The following PIEZO2 variants were observed in gnomAD, a reference collection of about 807,000 sequenced individuals.
The protein encoded by PIEZO2 is piezo-type mechanosensitive ion channel component 2.
In PIEZO2, 172 loss-of-function variants were observed where a neutral mutation model predicts 337.3. The ratio of observed to expected loss-of-function variants is 0.51; its 90% CI spans 0.45 to 0.58. The LOEUF (loss-of-function observed/expected upper bound fraction) is 0.58. Among genes scored for constraint, PIEZO2 ranks in the 20% least tolerant of loss-of-function variants. PIEZO2 has a pLI of 0.00. For synonymous variants in PIEZO2, 1,251 were observed against 1,228.5 expected, an observed-to-expected ratio of 1.02 and a Z score of -0.38; for missense variants, 3,028 against 3,391.3, an observed-to-expected ratio of 0.89 and a Z score of 2.66.
At position 10,830,842 on chromosome 18, in the gene PIEZO2, T is replaced by G. The variant is rs145645815; in HGVS notation, c.918-23568A>C. On this transcript the variant is annotated intron_variant, in intron 7 of 55. Coordinates refer to ENST00000674853, the MANE Select transcript of PIEZO2 (RefSeq NM_001378183.1). This position sits in a 1 kb window ranked among gnomAD's most constrained non-coding sequence, Gnocchi z 4.7. ...TCAAACAATTCAATAGGAAAAAAAA[T>G]CTAATAATCTGGTTAAAAATTTGGT... is the stretch of plus-strand genomic sequence containing the variant. Among the ~76,000 whole-genome samples the G allele has an allele frequency of 6.6e-6, 1 of 151,954 alleles. No homozygotes were observed. Among genetic ancestry groups the G allele is most frequent in the Admixed American group, 6.6e-5 (1 of 15,254 alleles).
chr18:10,737,395 C>T (rs981894971), intron 33 of PIEZO2, among the ~76,000 whole-genome samples: 1 of 152,060 alleles, frequency 6.6e-6, no homozygotes, highest in Admixed American at 6.5e-5. Context: ...AACAAAAACA[C>T]CACCAACAAC....
intron 3 of PIEZO2, among the ~76,000 whole-genome samples, chr18:10,914,682 G>A (rs1328988502): frequency 1.3e-5 from 2 of 152,072 alleles, no homozygotes; most frequent in Non-Finnish European, 2.9e-5. Context: ...ATTCATAGAA[G>A]GGATTTTTTC....
chr18:10,729,199 T>C (rs2036665958), intron 36 of PIEZO2, among the ~76,000 whole-genome samples: 1 of 152,168 alleles, frequency 6.6e-6, no homozygotes, highest in Non-Finnish European at 1.5e-5. Flanking sequence ...GTTACTAGGA[T>C]GTATCGGGAG....
intron 2 of PIEZO2, among the ~76,000 whole-genome samples, chr18:11,004,723 A>G (rs2035660838): frequency 6.6e-6 from 1 of 152,234 alleles, no homozygotes; most frequent in African/African-American, 2.4e-5. Flanking sequence ...TTGATAATCT[A>G]TTGTTCAAAG....
chr18:10,963,280 T>C lies in PIEZO2; in HGVS notation c.286+16255A>G, dbSNP rs535447995. ...AGCCAGAGGACATGGTGAGATGTTGTCTCAAAAAAAAAAAAGAAAGAAATA... is the reference window on the plus strand; with the variant it reads ...AGCCAGAGGACATGGTGAGATGTTGCCTCAAAAAAAAAAAAGAAAGAAATA... On this transcript the variant is annotated intron_variant, in intron 3 of 55. Coordinates refer to ENST00000674853, the MANE Select transcript of PIEZO2 (RefSeq NM_001378183.1). Among the ~76,000 whole-genome samples, 9 of 150,888 alleles carry C rather than the reference T, an allele frequency of 6.0e-5. No homozygotes were observed. In the South Asian group the frequency reaches 1.9e-3, roughly 32 times the overall value.
In PIEZO2 at chr18:10,677,559, G is replaced by A; in HGVS notation, c.8081+188C>T. On this transcript the variant is annotated intron_variant, in intron 53 of 55. Transcript: ENST00000674853. The surrounding 1 kb of genome is among the most constrained non-coding windows in gnomAD (Gnocchi z 4.1). ...ACATAGACATAACCCTGGGGACAGT[G>A]GACAGAAAACTCCATAGCTGAGATT... The A allele has an allele frequency of 1.7e-6, 1 of 599,868 alleles. No homozygotes were observed. Among genetic ancestry groups the A allele is most frequent in the East Asian group, 3.6e-5 (1 of 27,908 alleles). The allele number at this position is 599,868 out of a possible 1,614,324, so 37.2% of individuals were successfully genotyped here. A position where few individuals can be genotyped will look rare whatever the true frequency, so the allele number is the denominator to read the frequency against.
rs2042870926 is a variant in PIEZO2, at chr18:10,895,402, C to T, written c.329+15784G>A. Among the ~76,000 whole-genome samples, 1 of 151,814 alleles carries T rather than the reference C, an allele frequency of 6.6e-6. No homozygotes were observed. The highest frequency in any genetic ancestry group is 6.6e-5 in the Admixed American group (1 of 15,246). On this transcript the variant is annotated intron_variant, in intron 4 of 55. Transcript: ENST00000674853. The surrounding 1 kb of genome is among the most constrained non-coding windows in gnomAD (Gnocchi z 4.8). Reference sequence around the variant, plus strand: ...CAGAGGTTGCAGTGAGCCGAGATTGCACCACAGCACTCCAGCCTGGGCAAC... The same window carrying T: ...CAGAGGTTGCAGTGAGCCGAGATTGTACCACAGCACTCCAGCCTGGGCAAC...
At chr18:10,680,393 T>C (rs764501154) in intron 51 of PIEZO2, 22 bp from the exon 52 acceptor site, 10 of 1,605,206 alleles carry the variant, frequency 6.2e-6, no homozygotes, top group African/African-American at 1.3e-5. Context: ...CAAATGCACA[T>C]GCATAAATAG....
At position 10,817,902 on chromosome 18, in the gene PIEZO2, G is replaced by A. The variant is rs375922065; in HGVS notation, c.918-10628C>T. On this transcript the variant is annotated intron_variant, in intron 7 of 55. Coordinates refer to ENST00000674853, the MANE Select transcript of PIEZO2 (RefSeq NM_001378183.1). ...TGTGCCACTGCACTCCAGCCTGGGC[G>A]ACAGAGCAAGACTCTGTCAAAAAAA... Among the ~76,000 whole-genome samples, 245 of 143,356 alleles carry A rather than the reference G, an allele frequency of 1.7e-3. 1 individual carries two copies. The highest frequency in any genetic ancestry group is 6.2e-3 in the African/African-American group (235 of 38,138). The allele number at this position is 143,356 out of a possible 152,430, so 94.0% of individuals were successfully genotyped here. A position where few individuals can be genotyped will look rare whatever the true frequency, so the allele number is the denominator to read the frequency against.
intron 7 of PIEZO2, among the ~76,000 whole-genome samples, chr18:10,831,474 T>C (rs1488113288): frequency 6.6e-6 from 1 of 152,170 alleles, no homozygotes; most frequent in Non-Finnish European, 1.5e-5. Flanking sequence ...CTAAAAATTT[T>C]AAAAACTGAC....
intron 28 of PIEZO2, among the ~76,000 whole-genome samples, chr18:10,751,046 G>A (rs1193745081): frequency 6.6e-6 from 1 of 152,118 alleles, no homozygotes; most frequent in Non-Finnish European, 1.5e-5. Flanking sequence ...TCACCTCCAG[G>A]AAGCCTGTTC....
chr18:11,049,842 A>G (rs2037460745), intron 2 of PIEZO2, among the ~76,000 whole-genome samples: 1 of 152,178 alleles, frequency 6.6e-6, no homozygotes, highest in African/African-American at 2.4e-5. Context: ...CTTTTTCTTT[A>G]TAAATTACCC....
chr18:10,871,874 T>C (rs528544335), intron 4 of PIEZO2, among the ~76,000 whole-genome samples: 1 of 152,342 alleles, frequency 6.6e-6, no homozygotes, highest in Admixed American at 6.5e-5. Flanking sequence ...TTTTGTATAC[T>C]TGGTTGATTT....
intron 7 of PIEZO2, among the ~76,000 whole-genome samples, chr18:10,831,795 A>G (rs1309099287): frequency 6.6e-6 from 1 of 152,170 alleles, no homozygotes; most frequent in Non-Finnish European, 1.5e-5. Flanking sequence ...ATGTACCCAC[A>G]AAAATTAAAA....
At position 11,003,088 on chromosome 18, in the gene PIEZO2, C is replaced by T. The variant is rs1413145217; in HGVS notation, c.161-23428G>A. 6.6e-6 allele frequency among the ~76,000 whole-genome samples: 1 copy of T among 152,198 alleles called. No homozygotes were observed. Among genetic ancestry groups the T allele is most frequent in the African/African-American group, 2.4e-5 (1 of 41,444 alleles). ...TTCTAACCTGGGAGATGTCCAGTGA[C>T]ATGTCTTTGCCGTGCCCTCCCAGGT... is the stretch of plus-strand genomic sequence containing the variant. On this transcript the variant is annotated intron_variant, in intron 2 of 55. Transcript: ENST00000674853. The surrounding 1 kb of genome is among the most constrained non-coding windows in gnomAD (Gnocchi z 4.6).
At chr18:10,787,977 T>C (rs1311132908) in intron 15 of PIEZO2, among the ~76,000 whole-genome samples, 4 of 152,186 alleles carry the variant, frequency 2.6e-5, no homozygotes, top group South Asian at 2.1e-4. Context: ...TATATATATG[T>C]ACACAAAGAG....
Position 10,736,711 on chromosome 18 carries a change from C to A in PIEZO2, c.4709-1G>T. 1 of 1,533,370 alleles carries A rather than the reference C, an allele frequency of 6.5e-7. No individual in the cohort carries two copies. Among genetic ancestry groups the A allele is most frequent in the African/African-American group, 1.4e-5 (1 of 72,954 alleles). The allele number at this position is 1,533,370 out of a possible 1,614,324, so 95.0% of individuals were successfully genotyped here. A position where few individuals can be genotyped will look rare whatever the true frequency, so the allele number is the denominator to read the frequency against. ...AAATAATAATCTCCACTCCTGACCA[C>A]TAAGCAAAACAAAATATTCACTCAT... On this transcript the variant is annotated splice_acceptor_variant, in intron 33 of 55. Transcript: ENST00000674853. LOFTEE classifies it high-confidence loss of function.
At position 11,131,996 on chromosome 18, in the gene PIEZO2, C is replaced by T. The variant is rs1215954864; in HGVS notation, c.64+16529G>A. On this transcript the variant is annotated intron_variant, in intron 1 of 55. Transcript: ENST00000674853. The surrounding 1 kb of genome is among the most constrained non-coding windows in gnomAD (Gnocchi z 5.3). The stretch of plus-strand genomic sequence containing the variant: ...TGACCAAGGCTGACCTGGCTGCAGC[C>T]GCTGCTGAGTACCCAATTTGCCAAC... 2.0e-5 allele frequency among the ~76,000 whole-genome samples: 3 copies of T among 152,170 alleles called. No homozygotes were observed. Among genetic ancestry groups the T allele is most frequent in the East Asian group, 1.9e-4 (1 of 5,182 alleles).
chr18:10,929,625 G>T lies in PIEZO2; in HGVS notation c.287-18397C>A, dbSNP rs775091208. 7.9e-5 allele frequency among the ~76,000 whole-genome samples: 12 copies of T among 152,172 alleles called. No homozygotes were observed. The highest frequency in any genetic ancestry group is 2.9e-4 in the African/African-American group (12 of 41,530). The stretch of plus-strand genomic sequence containing the variant: ...AGGAAAATGCCTCTACCAACCTCTC[G>T]GGTCTCAGGACAGATCCCGCTATCC... On this transcript the variant is annotated intron_variant, in intron 3 of 55. Coordinates refer to ENST00000674853, the MANE Select transcript of PIEZO2 (RefSeq NM_001378183.1). The surrounding 1 kb of genome is among the most constrained non-coding windows in gnomAD (Gnocchi z 5.6).
Sources: allele counts gnomAD v4.1 joint callset (sites outside exome capture counted in the v4.1 genomes callset), GRCh38; gene constraint gnomAD v4.1.1; non-coding constraint Gnocchi (gnomAD v3.1); transcripts MANE v1.5; gene names NCBI Gene and HGNC (gene_info 2026-07-23, HGNC 2026-07-21).